The following GLG1 variants were observed in gnomAD, a reference collection of about 807,000 sequenced individuals.
GLG1 encodes Golgi apparatus protein 1.
A neutral mutation model predicts 160.5 loss-of-function variants in GLG1; 38 were observed. That is an observed-to-expected ratio of 0.24 (90% CI 0.18 to 0.31). The LOEUF is 0.31. GLG1 is among the 10% of genes least tolerant of loss of function. GLG1 has a pLI of 1.00. For synonymous variants in GLG1, 644 were observed against 543.4 expected, an observed-to-expected ratio of 1.19 and a Z score of -2.57; for missense variants, 1,373 against 1,505.2, an observed-to-expected ratio of 0.91 and a Z score of 1.45.
intron 2 of GLG1, among the ~76,000 whole-genome samples, chr16:74,509,877 G>T (rs989695257): frequency 1.3e-5 from 2 of 151,644 alleles, no homozygotes; most frequent in East Asian, 3.9e-4. Context: ...TTGTAGAGAT[G>T]GGATCTCACT....
At chr16:74,495,288 A>AT (rs2016145884) in intron 5 of GLG1, among the ~76,000 whole-genome samples, 1 of 151,852 alleles carries the variant, frequency 6.6e-6, no homozygotes, top group African/African-American at 2.4e-5. Flanking sequence ...TAATTTTTTT[A>AT]TTTTTAGTAG....
In GLG1 at chr16:74,467,777, A is replaced by G; in HGVS notation, c.2508T>C (p.Ala836=). ...TTACCTGAGCGTTGCCATATTGCACAGCGGAACAGAAGTTTTTGATGTCAC... is the reference window on the plus strand; with the variant it reads ...TTACCTGAGCGTTGCCATATTGCACGGCGGAACAGAAGTTTTTGATGTCAC... ...CKSDIKNFCS[A]VQYGNAQIIE... Residue 836 remains alanine, a synonymous_variant, in exon 18 of 26, where the codon GCT becomes GCC. Transcript: ENST00000422840. 1 of 1,611,684 alleles carries G rather than the reference A, an allele frequency of 6.2e-7. No homozygotes were observed. Among genetic ancestry groups the G allele is most frequent in the Non-Finnish European group, 8.5e-7 (1 of 1,177,828 alleles).
chr16:74,604,070 C>G (rs1428523229), intron 1 of GLG1, among the ~76,000 whole-genome samples: 1 of 151,846 alleles, frequency 6.6e-6, no homozygotes, highest in Non-Finnish European at 1.5e-5. Flanking sequence ...CTGGGAAGAT[C>G]ACTTGAACCC....
intron 9 of GLG1, among the ~76,000 whole-genome samples, chr16:74,483,582 C>T (rs1020906065): frequency 1.3e-5 from 2 of 152,132 alleles, no homozygotes; most frequent in Non-Finnish European, 2.9e-5. Context: ...ACCATTATCA[C>T]ACCACTAAGC....
rs549456236 is a variant in GLG1 at position 74,604,618 on chromosome 16, C to G, written c.438+2039G>C. Reference sequence around the variant, plus strand: ...AGTTCTACTTACTGAACAGCAAATACAAAACATATTCTATACATGTTTCTT... The same window carrying G: ...AGTTCTACTTACTGAACAGCAAATAGAAAACATATTCTATACATGTTTCTT... On this transcript the variant is annotated intron_variant, in intron 1 of 25. Transcript: ENST00000422840. Among the ~76,000 whole-genome samples the G allele has an allele frequency of 2.0e-5, 3 of 152,344 alleles. No individual in the cohort carries two copies. The South Asian group carries it at 6.2e-4, about 32-fold the overall frequency.
Position 74,522,545 on chromosome 16 carries a change from AT to A in GLG1, c.471+9575del, listed in dbSNP as rs916537952. On this transcript the variant is annotated intron_variant, in intron 2 of 25. Transcript: ENST00000422840. ...ACATGGCAGATTAAGTATCTTACAT[AT>A]TTTTTTTTATTCCACTGGCTTTTCT... 4.6e-5 allele frequency among the ~76,000 whole-genome samples: 7 copies of A among 151,330 alleles called. 1 individual carries two copies. The highest frequency in any genetic ancestry group is 2.1e-4 in the South Asian group (1 of 4,806).
chr16:74,508,982 A>G (rs2016711501), intron 2 of GLG1, 57 bp from the exon 3 acceptor site: 2 of 747,654 alleles, frequency 2.7e-6, no homozygotes, highest in Non-Finnish European at 4.7e-6. Flanking sequence ...ACAGTACGAA[A>G]TTTATTATCA....
intron 1 of GLG1, among the ~76,000 whole-genome samples, chr16:74,536,527 C>T (rs998899087): frequency 1.3e-5 from 2 of 151,884 alleles, no homozygotes; most frequent in East Asian, 1.9e-4. Flanking sequence ...GTTAAAATAG[C>T]GAAATCAAAC....
intron 2 of GLG1, among the ~76,000 whole-genome samples, chr16:74,528,029 T>C (rs9319467): frequency 0.96 from 145,045 of 150,394 alleles, 70,183 homozygotes; most frequent in East Asian, 1. Flanking sequence ...GGACTACAGA[T>C]GCCCACCACC....
chr16:74,583,754 T>C (rs1398684564), intron 1 of GLG1, among the ~76,000 whole-genome samples: 1 of 152,144 alleles, frequency 6.6e-6, no homozygotes, highest in Non-Finnish European at 1.5e-5. Flanking sequence ...CAGGGAGACA[T>C]ATCCAGACTC....
intron 25 of GLG1, among the ~76,000 whole-genome samples, chr16:74,455,817 G>T (rs1318887825): frequency 6.6e-6 from 1 of 152,168 alleles, no homozygotes. Context: ...TTCCTTCACT[G>T]TAAAGTGACG....
intron 2 of GLG1, among the ~76,000 whole-genome samples, chr16:74,516,350 ACTGT>A (rs1373782204): frequency 2.6e-5 from 4 of 151,760 alleles, no homozygotes; most frequent in African/African-American, 4.9e-5. Context: ...ATTGTAACAA[ACTGT>A]CTCTCAGACC....
At chr16:74,581,537 A>AG (rs1277414686) in intron 1 of GLG1, among the ~76,000 whole-genome samples, 1 of 150,796 alleles carries the variant, frequency 6.6e-6, no homozygotes, top group Non-Finnish European at 1.5e-5. Flanking sequence ...TAAGATTTAA[A>AG]AAAAAAAAAA....
intron 2 of GLG1, among the ~76,000 whole-genome samples, chr16:74,516,710 C>T (rs937814164): frequency 7.2e-5 from 11 of 152,074 alleles, no homozygotes; most frequent in African/African-American, 2.7e-4. Flanking sequence ...AAGATCGGAG[C>T]AGAACTGAAG....
intron 2 of GLG1, among the ~76,000 whole-genome samples, chr16:74,519,261 C>A (rs1567499036): frequency 6.6e-6 from 1 of 150,810 alleles, no homozygotes. Flanking sequence ...CACATGTTCT[C>A]ACTCATACGT....
chr16:74,519,553 T>C (rs2017093360), intron 2 of GLG1, among the ~76,000 whole-genome samples: 1 of 96,040 alleles, frequency 1.0e-5, no homozygotes, highest in African/African-American at 3.9e-5. Flanking sequence ...AATGACTATG[T>C]TACTGGTTTT....
At chr16:74,456,457 G>A (rs924245373) in intron 25 of GLG1, 192 bp downstream of exon 25, 17 of 558,844 alleles carry the variant, frequency 3.0e-5, no homozygotes, top group Middle Eastern at 4.6e-4. Flanking sequence ...ACCGCGCCCG[G>A]CCCTGACCAC....
At chr16:74,589,256 CAA>C (rs11311925) in intron 1 of GLG1, among the ~76,000 whole-genome samples, 187 of 140,514 alleles carry the variant, frequency 1.3e-3, no homozygotes, top group Non-Finnish European at 1.6e-3. Context: ...CTCTCTGTCT[CAA>C]AAAAAAAAAA....
At position 74,485,829 on chromosome 16, in the gene GLG1, G is replaced by T. The variant is rs2015768404; in HGVS notation, c.1538C>A (p.Thr513Lys). Residue 513 changes from threonine to lysine, a missense_variant, in exon 9 of 26, where the codon ACA (threonine) becomes AAA (lysine). Physicochemically the swap from Thr to Lys is moderately conservative, Grantham distance 78 (BLOSUM62 -1). This residue lies in a region of GLG1 where 386 missense variants were observed against 388.5 expected (regional missense o/e 0.99). Coordinates refer to ENST00000422840, the MANE Select transcript of GLG1 (RefSeq NM_001145667.2). ...LNEACESVIQ[T>K]ACKHIRSGDP... is the part of the protein sequence containing the mutation. Reference sequence around the variant, plus strand: ...TCCAGATCTTATATGTTTGCAGGCTGTCTGGATTACAGATTCACAAGCTTC... The same window carrying T: ...TCCAGATCTTATATGTTTGCAGGCTTTCTGGATTACAGATTCACAAGCTTC... The T allele has an allele frequency of 6.2e-7, 1 of 1,612,898 alleles. No individual in the cohort carries two copies. Among genetic ancestry groups the T allele is most frequent in the Non-Finnish European group, 8.5e-7 (1 of 1,178,900 alleles).
Sources: allele counts gnomAD v4.1 joint callset (sites outside exome capture counted in the v4.1 genomes callset), GRCh38; gene constraint gnomAD v4.1.1; regional missense constraint gnomAD v4.1.1; transcripts MANE v1.5; gene names NCBI Gene and HGNC (gene_info 2026-07-23, HGNC 2026-07-21).